The following PARD3 variants were observed in gnomAD, a reference collection of about 807,000 sequenced individuals.
The protein encoded by PARD3 is partitioning defective 3 homolog.
Under a neutral mutation model 155.4 loss-of-function variants are expected in PARD3, and 75 were observed. The ratio of observed to expected loss-of-function variants is 0.48; its 90% CI spans 0.40 to 0.58. The LOEUF is 0.58. Among genes scored for constraint, PARD3 ranks in the 20% least tolerant of loss-of-function variants. The pLI, the probability that PARD3 is intolerant of heterozygous loss-of-function variation, is 0.00. For synonymous variants in PARD3, 576 were observed against 610.5 expected (o/e 0.94, Z 0.83); for missense variants, 1,642 against 1,721.7 (o/e 0.95, Z 0.82).
intron 3 of PARD3, among the ~76,000 whole-genome samples, chr10:34,512,217 C>T (rs1169430169): frequency 6.6e-6 from 1 of 152,188 alleles, no homozygotes; most frequent in African/African-American, 2.4e-5. Flanking sequence ...TTGGATATCC[C>T]GTGAAACCAC....
chr10:34,756,866 T>TAAAA (rs1235430034), intron 1 of PARD3, among the ~76,000 whole-genome samples: 1 of 152,228 alleles, frequency 6.6e-6, no homozygotes, highest in Non-Finnish European at 1.5e-5. Flanking sequence ...GGAACACTGC[T>TAAAA]AACAGATTTT....
At chr10:34,288,903 C>T (rs1015099738) in intron 20 of PARD3, among the ~76,000 whole-genome samples, 3 of 152,316 alleles carry the variant, frequency 2.0e-5, no homozygotes, top group Middle Eastern at 3.4e-3. Flanking sequence ...AAGTGGCCAC[C>T]TACACTGGTA....
At chr10:34,726,479 G>A (rs567741986) in intron 1 of PARD3, among the ~76,000 whole-genome samples, 64 of 152,022 alleles carry the variant, frequency 4.2e-4, no homozygotes, top group Non-Finnish European at 7.5e-4. Flanking sequence ...CCAGCTACTC[G>A]GGAGGCTGAG....
At chr10:34,193,503 C>T (rs1950805255) in intron 22 of PARD3, among the ~76,000 whole-genome samples, 1 of 152,154 alleles carries the variant, frequency 6.6e-6, no homozygotes, top group African/African-American at 2.4e-5. Flanking sequence ...CTTCTAACGG[C>T]CTTCTTACCA....
At chr10:34,736,029 CT>C (rs908531239) in intron 1 of PARD3, among the ~76,000 whole-genome samples, 2,340 of 149,848 alleles carry the variant, frequency 0.016, 61 homozygotes, top group African/African-American at 0.052. Context: ...AAACTTGTTA[CT>C]TTTTTTTTTC....
At position 34,516,098 on chromosome 10, in the gene PARD3, G is replaced by A. The variant is rs527643359; in HGVS notation, c.403+881C>T. ...TCCTGTTTCAGCCTCCCAAGTAGCT[G>A]GGATTACAGGCAACCGCCACCACGC... is the stretch of plus-strand genomic sequence containing the variant. On this transcript the variant is annotated intron_variant, in intron 3 of 24. Transcript: ENST00000374788. Among the ~76,000 whole-genome samples, 5 of 152,070 alleles carry A rather than the reference G, an allele frequency of 3.3e-5. No individual in the cohort carries two copies. The South Asian group carries it at 1.0e-3, about 32-fold the overall frequency.
chr10:34,211,787 G>T (rs1186749940), intron 22 of PARD3, among the ~76,000 whole-genome samples: 4 of 149,760 alleles, frequency 2.7e-5, no homozygotes, highest in Non-Finnish European at 4.5e-5. Flanking sequence ...CTCAAAAAAA[G>T]AAAAAAAAAG....
intron 3 of PARD3, among the ~76,000 whole-genome samples, chr10:34,513,335 A>G (rs1346215473): frequency 3.9e-5 from 6 of 152,282 alleles, no homozygotes; most frequent in Middle Eastern, 3.4e-3. Context: ...GCTGGAGTGC[A>G]AGGGCATGAT....
At chr10:34,521,775 T>C (rs2082163120) in intron 2 of PARD3, among the ~76,000 whole-genome samples, 1 of 152,188 alleles carries the variant, frequency 6.6e-6, no homozygotes, top group African/African-American at 2.4e-5. Flanking sequence ...GAAATGCTTA[T>C]AAAACCCTTG....
rs530142645 is a variant in PARD3, at chr10:34,193,346, A to G, written c.3420-61763T>C. On this transcript the variant is annotated intron_variant, in intron 22 of 24. Transcript: ENST00000374788. ...AAAAATGTCAGTTCTATGAAGAAAC[A>G]AACAGTGCATTTTTTCCCCTTGCTT... is the stretch of plus-strand genomic sequence containing the variant. Among the ~76,000 whole-genome samples the G allele has an allele frequency of 2.0e-5, 3 of 152,362 alleles. No individual in the cohort carries two copies. In the East Asian group the frequency reaches 5.8e-4, roughly 29 times the overall value.
chr10:34,673,173 G>A (rs996095598), intron 2 of PARD3, among the ~76,000 whole-genome samples: 2 of 152,098 alleles, frequency 1.3e-5, no homozygotes, highest in African/African-American at 4.8e-5. Flanking sequence ...TCAACACACT[G>A]CATGATATTT....
At chr10:34,240,621 T>C (rs1034277260) in intron 22 of PARD3, among the ~76,000 whole-genome samples, 4 of 152,112 alleles carry the variant, frequency 2.6e-5, no homozygotes, top group Non-Finnish European at 5.9e-5. Flanking sequence ...GATTTTTGGA[T>C]TTGGTGAAAA....
In PARD3 at chr10:34,677,802, G is replaced by A. The variant is rs192107849; in HGVS notation, c.222+18516C>T. Among the ~76,000 whole-genome samples the A allele has an allele frequency of 7.9e-5, 12 of 152,142 alleles. No individual in the cohort carries two copies. In the East Asian group the frequency reaches 1.5e-3, roughly 20 times the overall value. On this transcript the variant is annotated intron_variant, in intron 2 of 24. Transcript: ENST00000374788. ...ATCACCGTTCTAATGAAAGACCACCGGAGGGCACACATAACCCATGGCACT... is the reference window on the plus strand; with the variant it reads ...ATCACCGTTCTAATGAAAGACCACCAGAGGGCACACATAACCCATGGCACT...
At chr10:34,485,283 A>C (rs1159188088) in intron 3 of PARD3, among the ~76,000 whole-genome samples, 1 of 151,936 alleles carries the variant, frequency 6.6e-6, no homozygotes, top group Non-Finnish European at 1.5e-5. Context: ...GGCGGCAGTG[A>C]GCCAAGATCA....
At chr10:34,569,853 T>C (rs2086247363) in intron 2 of PARD3, among the ~76,000 whole-genome samples, 1 of 151,354 alleles carries the variant, frequency 6.6e-6, no homozygotes, top group Non-Finnish European at 1.5e-5. Flanking sequence ...AGAATGAAGA[T>C]TAAATGACCA....
chr10:34,602,144 G>C (rs1780691539), intron 2 of PARD3, among the ~76,000 whole-genome samples: 1 of 152,138 alleles, frequency 6.6e-6, no homozygotes. Flanking sequence ...GATAAATTCT[G>C]AGAAAGTCGC....
intron 1 of PARD3, among the ~76,000 whole-genome samples, chr10:34,752,498 C>T (rs1413374282): frequency 2.0e-5 from 3 of 151,314 alleles, no homozygotes; most frequent in Non-Finnish European, 4.4e-5. Flanking sequence ...CATGTAAATG[C>T]TCCTGAAGCC....
intron 1 of PARD3, among the ~76,000 whole-genome samples, chr10:34,698,353 C>G (rs528949175): frequency 1.6e-4 from 25 of 152,288 alleles, no homozygotes; most frequent in Admixed American, 6.5e-4. Context: ...CCAGCACTTT[C>G]CCTTTCACAG....
At chr10:34,488,073 T>C (rs1285922935) in intron 3 of PARD3, among the ~76,000 whole-genome samples, 3 of 152,180 alleles carry the variant, frequency 2.0e-5, no homozygotes, top group African/African-American at 7.2e-5. Flanking sequence ...ACCTGGGGAC[T>C]AGCAATTTGC....
Sources: allele counts gnomAD v4.1 joint callset (sites outside exome capture counted in the v4.1 genomes callset), GRCh38; gene constraint gnomAD v4.1.1; transcripts MANE v1.5; gene names NCBI Gene and HGNC (gene_info 2026-07-23, HGNC 2026-07-21).